Variants in GRAMD1B observed in about 807,000 individuals in gnomAD.
GRAMD1B encodes protein Aster-B.
GRAMD1B carries 37 observed loss-of-function variants against 99.7 expected under a neutral mutation model. The observed-to-expected ratio is 0.37, with a 90% confidence interval of 0.29 to 0.49. The LOEUF is 0.49. Among genes scored for constraint, GRAMD1B ranks in the 20% least tolerant of loss-of-function variants. The pLI, the probability that GRAMD1B is intolerant of heterozygous loss-of-function variation, is 0.98. For synonymous variants in GRAMD1B, 427 were observed against 387.6 expected (o/e 1.10, Z -1.19); for missense variants, 888 against 1,009.2 (o/e 0.88, Z 1.63).
intron 1 of GRAMD1B, among the ~76,000 whole-genome samples, chr11:123,455,548 G>A (rs1047475197): frequency 4.6e-5 from 7 of 152,098 alleles, no homozygotes; most frequent in Non-Finnish European, 1.0e-4. Flanking sequence ...GAACTGCTGC[G>A]CTCACCATGC....
In GRAMD1B at chr11:123,387,641, A is replaced by G. The variant is rs34003181; in HGVS notation, c.-176+28842A>G. Among the ~76,000 whole-genome samples the G allele has an allele frequency of 7.7e-3, 1,176 of 152,190 alleles. 14 individuals are homozygous for G. The highest frequency in any genetic ancestry group is 8.7e-3 in the Non-Finnish European group (594 of 68,000). On this transcript the variant is annotated intron_variant, in intron 1 of 20. Transcript: ENST00000638157. ...TTACTACTTGGATTCCAGCTCCAGCATTTCCAGACATCTCAGGGTTTTGTT... is the reference window on the plus strand; with the variant it reads ...TTACTACTTGGATTCCAGCTCCAGCGTTTCCAGACATCTCAGGGTTTTGTT...
intron 1 of GRAMD1B, among the ~76,000 whole-genome samples, chr11:123,383,789 A>AATAT (rs113677613): frequency 0.02 from 2,897 of 147,044 alleles, 91 homozygotes; most frequent in African/African-American, 0.068. Context: ...TCCCTTCATG[A>AATAT]ATATATATAT....
At chr11:123,621,178 G>T (rs1015577706) in intron 19 of GRAMD1B, among the ~76,000 whole-genome samples, 14 of 152,252 alleles carry the variant, frequency 9.2e-5, no homozygotes, top group African/African-American at 3.4e-4. Context: ...GAAGAAAGTG[G>T]TAGATTAAGC....
chr11:123,513,562 TTCCTTCC>T (rs1326025262), intron 2 of GRAMD1B, among the ~76,000 whole-genome samples: 103 of 117,222 alleles, frequency 8.8e-4, no homozygotes, highest in African/African-American at 3.7e-3. Flanking sequence ...CTTTCCTTCC[TTCCTTCC>T]TTCCTTCCTT....
At chr11:123,367,609 A>G (rs560062109) in intron 1 of GRAMD1B, among the ~76,000 whole-genome samples, 1 of 152,304 alleles carries the variant, frequency 6.6e-6, no homozygotes, top group East Asian at 1.9e-4. Context: ...AAGAGAGGCA[A>G]TGAGGCCGGC....
chr11:123,383,346 A>G (rs553818017), intron 1 of GRAMD1B, among the ~76,000 whole-genome samples: 3 of 152,296 alleles, frequency 2.0e-5, no homozygotes, highest in East Asian at 3.9e-4. Flanking sequence ...AAATCATATT[A>G]GCTTGAAATT....
intron 1 of GRAMD1B, among the ~76,000 whole-genome samples, chr11:123,433,303 G>A (rs1268364043): frequency 1.3e-5 from 2 of 152,062 alleles, no homozygotes; most frequent in Non-Finnish European, 2.9e-5. Context: ...GCTTGAACCC[G>A]GGAGGTGGAG....
At chr11:123,491,472 C>T (rs113270434) in intron 2 of GRAMD1B, among the ~76,000 whole-genome samples, 160 of 152,120 alleles carry the variant, frequency 1.1e-3, no homozygotes, top group African/African-American at 3.6e-3. Context: ...CCCTCCCCTT[C>T]CCCCAGCACC....
At position 123,541,537 on chromosome 11, in the gene GRAMD1B, G is replaced by GC. The variant is rs1565349162; in HGVS notation, c.453-35830_453-35829insC. 5.9e-3 allele frequency among the ~76,000 whole-genome samples: 834 copies of GC among 141,458 alleles called. 17 individuals carry two copies. The highest frequency in any genetic ancestry group is 0.017 in the African/African-American group (655 of 38,388). The allele number at this position is 141,458 out of a possible 152,430, so 92.8% of individuals were successfully genotyped here. A position where few individuals can be genotyped will look rare whatever the true frequency, so the allele number is the denominator to read the frequency against. On this transcript the variant is annotated intron_variant, in intron 2 of 19. Transcript: ENST00000635736. ...TCTATTTATATTTCTTCTGTGAATTGATTTTTTTTTTTTTTGGCCTTTGCT... is the reference window on the plus strand; with the variant it reads ...TCTATTTATATTTCTTCTGTGAATTGCATTTTTTTTTTTTTTGGCCTTTGCT...
intron 16 of GRAMD1B, among the ~76,000 whole-genome samples, chr11:123,614,299 T>C (rs2137025975): frequency 6.6e-6 from 1 of 152,170 alleles, no homozygotes; most frequent in South Asian, 2.1e-4. Flanking sequence ...AGCACTTCCA[T>C]GTTACGTGTT....
In GRAMD1B at chr11:123,606,692, G is replaced by A. The variant is rs771026857; in HGVS notation, c.1407G>A (p.Gly469=). 1.9e-6 allele frequency: 3 copies of A among 1,613,568 alleles called. No individual in the cohort carries two copies. The highest frequency in any genetic ancestry group is 1.6e-4 in the Middle Eastern group (1 of 6,062). ...AGCTCGCCATTGACAACATCATGGGGGAGAAGATTGAGATGATCGCTCCTG... is the reference window on the plus strand; with the variant it reads ...AGCTCGCCATTGACAACATCATGGGAGAGAAGATTGAGATGATCGCTCCTG... The part of the protein sequence containing the change: ...EKELAIDNIM[G]EKIEMIAPVN... The change falls in exon 11 of 20, where the codon GGG becomes GGA. Residue 469 remains glycine (G), a synonymous_variant. Coordinates refer to ENST00000635736, the MANE Select transcript of GRAMD1B (RefSeq NM_001387025.1).
intron 1 of GRAMD1B, among the ~76,000 whole-genome samples, chr11:123,372,015 C>T (rs765830926): frequency 1.3e-4 from 20 of 152,232 alleles, no homozygotes; most frequent in Non-Finnish European, 1.2e-4. Context: ...AAAAAAAAAT[C>T]TCTGTTGTGT....
chr11:123,378,068 C>T (rs1274105249), intron 1 of GRAMD1B, among the ~76,000 whole-genome samples: 1 of 152,222 alleles, frequency 6.6e-6, no homozygotes, highest in Non-Finnish European at 1.5e-5. Flanking sequence ...GGTCAGAACA[C>T]TGGACTTGGT....
At chr11:123,569,885 G>A (rs1055494488) in intron 2 of GRAMD1B, among the ~76,000 whole-genome samples, 10 of 152,306 alleles carry the variant, frequency 6.6e-5, no homozygotes, top group Middle Eastern at 6.8e-3. Context: ...GTGGGCCTTC[G>A]CGCCAATGGT....
intron 7 of GRAMD1B, chr11:123,598,240 T>C (rs1314187526): frequency 2.1e-6 from 3 of 1,403,896 alleles, no homozygotes; most frequent in Non-Finnish European, 3.0e-6. Flanking sequence ...ACAGTTGTAG[T>C]TGATATTTAG....
At chr11:123,459,035 C>T (rs1260536365) in intron 1 of GRAMD1B, 3 of 152,156 alleles carry the variant, frequency 2.0e-5, no homozygotes, top group Non-Finnish European at 4.4e-5. Flanking sequence ...GACACAATGG[C>T]CTTCCTAGCC....
At chr11:123,539,310 C>T (rs2135674943) in intron 2 of GRAMD1B, among the ~76,000 whole-genome samples, 1 of 152,182 alleles carries the variant, frequency 6.6e-6, no homozygotes, top group African/African-American at 2.4e-5. Context: ...TTCTTCAACA[C>T]CTGAATTTGG....
chr11:123,505,375 C>A (rs1792438813), intron 2 of GRAMD1B, among the ~76,000 whole-genome samples: 1 of 152,082 alleles, frequency 6.6e-6, no homozygotes, highest in South Asian at 2.1e-4. Flanking sequence ...GTGGGTTTGA[C>A]TGCTGTCCAC....
chr11:123,390,856 A>G (rs1223116360), intron 1 of GRAMD1B, among the ~76,000 whole-genome samples: 1 of 151,920 alleles, frequency 6.6e-6, no homozygotes, highest in Non-Finnish European at 1.5e-5. Flanking sequence ...CTTTCTTCCC[A>G]TCTCACTTGA....
Sources: allele counts gnomAD v4.1 joint callset (sites outside exome capture counted in the v4.1 genomes callset), GRCh38; gene constraint gnomAD v4.1.1; transcripts MANE v1.5; gene names NCBI Gene and HGNC (gene_info 2026-07-23, HGNC 2026-07-21).